Variants in NMS observed in about 807,000 individuals in gnomAD.
The protein encoded by NMS is neuromedin S, also known as neuromedin-S.
NMS carries 30 observed loss-of-function variants against 32.2 expected under a neutral mutation model. That is an observed-to-expected ratio of 0.93 (90% CI 0.70 to 1.26). The LOEUF is 1.26. NMS is among the 50% of genes most tolerant of loss of function. NMS has a pLI of 0.00. For synonymous variants in NMS, 76 were observed against 58.5 expected (o/e 1.30, Z -1.37); for missense variants, 190 against 186.3 (o/e 1.02, Z -0.12).
In NMS at chr2:100,482,286, G is replaced by A; in HGVS notation, c.424G>A (p.Gly142Arg). 3.7e-6 allele frequency: 6 copies of A among 1,613,878 alleles called. No homozygotes were observed. The highest frequency in any genetic ancestry group is 1.6e-4 in the Middle Eastern group (1 of 6,062). ...RPFFLFRPRN[G>R]RNIEDEAQIQ... Reference sequence around the variant, plus strand: ...CTCCTTTTTTTTTCAGCCCAGGAATGGAAGAAACATTGAAGATGAGGCCCA... The same window carrying A: ...CTCCTTTTTTTTTCAGCCCAGGAATAGAAGAAACATTGAAGATGAGGCCCA... Residue 142 changes from glycine to arginine, a missense_variant, in exon 9 of 10, where the codon GGA becomes AGA. Gly to Arg is a moderately radical substitution (Grantham distance 125). Coordinates refer to ENST00000376865, the MANE Select transcript of NMS (RefSeq NM_001011717.1).
At chr2:100,482,231 A>T in intron 8 of NMS, 46 bp from the exon 9 acceptor site, 1 of 1,585,800 alleles carries the variant, frequency 6.3e-7, no homozygotes, top group Non-Finnish European at 8.7e-7. Context: ...TACAGGCTGC[A>T]GAAAGTTGTG....
intron 3 of NMS, among the ~76,000 whole-genome samples, chr2:100,475,999 C>CAAAAAAAAAAAAAA (rs746460668): frequency 3.6e-5 from 4 of 111,716 alleles, no homozygotes; most frequent in Admixed American, 9.7e-5. Flanking sequence ...ACCCTATCTC[C>CAAAAAAAAAAAAAA]AAAAAAAAAA....
intron 3 of NMS, among the ~76,000 whole-genome samples, chr2:100,475,743 T>C (rs563764539): frequency 6.6e-6 from 1 of 152,272 alleles, no homozygotes; most frequent in East Asian, 1.9e-4. Context: ...CTCATGCCTG[T>C]AATCCCAGAA....
chr2:100,474,682 A>C (rs1232298734), intron 3 of NMS, among the ~76,000 whole-genome samples: 1 of 152,222 alleles, frequency 6.6e-6, no homozygotes, highest in African/African-American at 2.4e-5. Flanking sequence ...GAACGTGGTA[A>C]ATGACAGCAC....
chr2:100,482,084 G>A (rs1677229125), intron 8 of NMS, among the ~76,000 whole-genome samples, 193 bp from the exon 9 acceptor site: 1 of 152,190 alleles, frequency 6.6e-6, no homozygotes, highest in Admixed American at 6.5e-5. Flanking sequence ...GGTTCCTGGA[G>A]CACTGTCCCA....
rs111344462 is a variant in NMS at position 100,481,945 on chromosome 2, A to T, written c.415-332A>T. 7.1e-3 allele frequency among the ~76,000 whole-genome samples: 1,079 copies of T among 152,338 alleles called. 5 individuals carry two copies. The highest frequency in any genetic ancestry group is 0.01 in the Non-Finnish European group (696 of 68,026). On this transcript the variant is annotated intron_variant, in intron 8 of 9. Coordinates refer to ENST00000376865, the MANE Select transcript of NMS (RefSeq NM_001011717.1). ...TTTCCTAGAAAGTGCTTTGAGAAAC[A>T]GTCCATCTCCTTGACGTCTCCAGAC...
rs560690763 is a variant in NMS at position 100,473,731 on chromosome 2, A to G, written c.183+192A>G. On this transcript the variant is annotated intron_variant, in intron 3 of 9. Transcript: ENST00000376865. ...AATATCTTAAGTATCTTCAATATAAATTACTATAAAATATGGGTAGTTCAT... is the reference window on the plus strand; with the variant it reads ...AATATCTTAAGTATCTTCAATATAAGTTACTATAAAATATGGGTAGTTCAT... Among the ~76,000 whole-genome samples the G allele has an allele frequency of 2.2e-4, 34 of 151,942 alleles. No individual in the cohort carries two copies. The East Asian group carries it at 6.4e-3, about 28-fold the overall frequency.
chr2:100,481,314 C>G, intron 8 of NMS, 147 bp downstream of exon 8: 1 of 807,056 alleles, frequency 1.2e-6, no homozygotes, highest in East Asian at 2.5e-5. Context: ...CTGGGAATCA[C>G]TCCAAGTAAA....
intron 9 of NMS, among the ~76,000 whole-genome samples, chr2:100,482,950 G>A (rs751723855): frequency 6.6e-6 from 1 of 152,196 alleles, no homozygotes; most frequent in Non-Finnish European, 1.5e-5. Flanking sequence ...AGTAGTCAGG[G>A]TCCCAGCAGT....
intron 9 of NMS, 58 bp downstream of exon 9, chr2:100,482,369 G>A (rs1190893374): frequency 1.6e-5 from 25 of 1,522,148 alleles, no homozygotes; most frequent in South Asian, 7.8e-5. Flanking sequence ...AATTTTATGT[G>A]TCTGACTGGA....
chr2:100,477,489 T>C, intron 5 of NMS, 75 bp downstream of exon 5: 1 of 1,112,510 alleles, frequency 9.0e-7, no homozygotes, highest in South Asian at 1.4e-5. Context: ...TCTTAATATG[T>C]GCAGACAAGT....
Position 100,482,276 on chromosome 2 carries a change from G to GC in NMS, c.417dup (p.Arg140GlnfsTer7). ...TCATAAGTTGCTCCTTTTTTTTTCAGCCCAGGAATGGAAGAAACATTGAAG... is the reference window on the plus strand; with the variant it reads ...TCATAAGTTGCTCCTTTTTTTTTCAGCCCCAGGAATGGAAGAAACATTGAAG... On this transcript the variant is annotated frameshift_variant and splice_region_variant. Transcript: ENST00000376865. LOFTEE classifies it high-confidence loss of function. 5 of 1,612,292 alleles carry GC rather than the reference G, an allele frequency of 3.1e-6. No individual in the cohort carries two copies. The highest frequency in any genetic ancestry group is 4.2e-6 in the Non-Finnish European group (5 of 1,179,286).
At chr2:100,470,915 A>G (rs187611180) in intron 1 of NMS, among the ~76,000 whole-genome samples, 62 of 152,340 alleles carry the variant, frequency 4.1e-4, no homozygotes, top group Non-Finnish European at 5.6e-4. Flanking sequence ...TGAAGAGACG[A>G]GGACAGAGTT....
At chr2:100,481,021 C>T (rs1677206517) in intron 7 of NMS, 105 bp from the exon 8 acceptor site, 4 of 1,088,818 alleles carry the variant, frequency 3.7e-6, no homozygotes, top group African/African-American at 3.1e-5. Flanking sequence ...TTGTTGGTGC[C>T]ACTGGTCTGG....
intron 8 of NMS, among the ~76,000 whole-genome samples, chr2:100,481,926 A>G (rs563911666): frequency 6.6e-6 from 1 of 152,290 alleles, no homozygotes; most frequent in South Asian, 2.1e-4. Context: ...CTCGTTTCCT[A>G]GAAAGTGCTT....
At chr2:100,480,605 C>A in intron 7 of NMS, 74 bp downstream of exon 7, 1 of 1,497,608 alleles carries the variant, frequency 6.7e-7, no homozygotes, top group African/African-American at 1.4e-5. Context: ...TCCTTGGAGC[C>A]AGCCACCCTG....
intron 3 of NMS, among the ~76,000 whole-genome samples, chr2:100,475,387 T>G (rs1677089751): frequency 6.6e-6 from 1 of 152,154 alleles, no homozygotes; most frequent in Non-Finnish European, 1.5e-5. Flanking sequence ...AGGAGACCTT[T>G]AAATCAAGAC....
rs1374904697 is a variant in NMS at position 100,480,517 on chromosome 2, G to A, written c.358G>A (p.Asp120Asn). ...GCAGGGCTCGGGGACTGCTGCAGTGGACTTCACCAAGAAGGTACACAAGAG... is the reference window on the plus strand; with the variant it reads ...GCAGGGCTCGGGGACTGCTGCAGTGAACTTCACCAAGAAGGTACACAAGAG... ...LQRGSGTAAV[D>N]FTKKDHTATW... The change falls in exon 7 of 10, where the codon GAC becomes AAC. Residue 120 changes from aspartate to asparagine, a missense_variant. Physicochemically the swap from Asp to Asn is conservative, Grantham distance 23 (BLOSUM62 1). Coordinates refer to ENST00000376865, the MANE Select transcript of NMS (RefSeq NM_001011717.1). 7.4e-6 allele frequency: 12 copies of A among 1,613,076 alleles called. No individual in the cohort carries two copies. Among genetic ancestry groups the A allele is most frequent in the South Asian group, 1.1e-5 (1 of 91,044 alleles).
At chr2:100,481,049 A>T in intron 7 of NMS, 77 bp from the exon 8 acceptor site, 5 of 1,477,906 alleles carry the variant, frequency 3.4e-6, no homozygotes. Context: ...CATTTTGAAA[A>T]CTGTTCCTAT....
Sources: gnomAD v4.1 joint callset for allele counts (sites outside exome capture counted in the v4.1 genomes callset) on GRCh38, gnomAD v4.1.1 for gene constraint, MANE v1.5 for transcripts, NCBI Gene and HGNC (gene_info 2026-07-23, HGNC 2026-07-21) for gene names.